The following RANBP10 variants were observed in gnomAD, a reference collection of about 807,000 sequenced individuals.
RANBP10 encodes the protein RAN binding protein 10, also known as ran-binding protein 10.
Under a neutral mutation model 72.8 loss-of-function variants are expected in RANBP10, and 24 were observed. The observed-to-expected ratio is 0.33, with a 90% CI of 0.24 to 0.46. The LOEUF is 0.46. Among genes scored for constraint, RANBP10 ranks in the 20% least tolerant of loss-of-function variants. The pLI, the probability that RANBP10 is intolerant of heterozygous loss-of-function variation, is 1.00. For missense variants in RANBP10, 679 were observed against 817.5 expected, an observed-to-expected ratio of 0.83 and a Z score of 2.07; for synonymous variants, 310 against 322.3, an observed-to-expected ratio of 0.96 and a Z score of 0.41.
At chr16:67,754,277 G>A (rs1434861226) in intron 3 of RANBP10, among the ~76,000 whole-genome samples, 3 of 152,200 alleles carry the variant, frequency 2.0e-5, no homozygotes, top group East Asian at 3.8e-4. Flanking sequence ...CAGGGACTTC[G>A]TGGCTCCTTC....
intron 2 of RANBP10, among the ~76,000 whole-genome samples, chr16:67,800,123 AAACAACAAC>A (rs893518767): frequency 1.3e-5 from 2 of 151,886 alleles, no homozygotes; most frequent in African/African-American, 4.8e-5. Context: ...TCTGTTTCAA[AAACAACAAC>A]AACAACAACA....
In RANBP10 at chr16:67,727,888, G is replaced by A. The variant is rs372148951; in HGVS notation, c.1483C>T (p.His495Tyr). ...QTDESSMDDR[H>Y]PRRQLCGGNQ... ...CCCCCGCAGAGCTGCCGCCGAGGAT[G>A]CCTGTCATCTGCATCCAGAACCCAG... The change falls in exon 12 of 14, where the codon CAT becomes TAT. Residue 495 changes from histidine to tyrosine, a missense_variant. Transcript: ENST00000317506. The A allele has an allele frequency of 6.8e-6, 11 of 1,614,024 alleles. No homozygotes were observed. The highest frequency in any genetic ancestry group is 9.3e-6 in the Non-Finnish European group (11 of 1,180,024).
Position 67,737,192 on chromosome 16 carries a change from CTTTTTTTTTTTTTTTT to C in RANBP10, c.591+805_591+820del, listed in dbSNP as rs71145979. Among the ~76,000 whole-genome samples the C allele has an allele frequency of 6.1e-3, 460 of 75,974 alleles. 2 individuals are homozygous for C. Among genetic ancestry groups the C allele is most frequent in the Admixed American group, 9.8e-3 (73 of 7,422 alleles). 49.8% of individuals were successfully genotyped at this position (75,974 alleles called of 152,430 possible). On this transcript the variant is annotated intron_variant, in intron 5 of 13. Transcript: ENST00000317506. ...AGCAAGCAGAAAACTCCATCCTTTTCTTTTTTTTTTTTTTTTTTTTTTTTTTGAGACGGAGGCTCGC... is the reference window on the plus strand; with the variant it reads ...AGCAAGCAGAAAACTCCATCCTTTTCTTTTTTTTTTGAGACGGAGGCTCGC...
intron 6 of RANBP10, among the ~76,000 whole-genome samples, chr16:67,733,137 G>A (rs2053769139): frequency 6.6e-6 from 1 of 151,814 alleles, no homozygotes; most frequent in South Asian, 2.1e-4. Context: ...GGCCGAGGCA[G>A]GAAAATCACT....
Position 67,742,596 on chromosome 16 carries a change from TGACA to T in RANBP10, c.568+1688_568+1691del, listed in dbSNP as rs1159778965. Among the ~76,000 whole-genome samples the T allele has an allele frequency of 3.3e-5, 5 of 152,278 alleles. No individual in the cohort carries two copies. The East Asian group carries it at 7.7e-4, about 24-fold the overall frequency. On this transcript the variant is annotated intron_variant, in intron 4 of 13. Coordinates refer to ENST00000317506, the MANE Select transcript of RANBP10 (RefSeq NM_020850.3). Reference sequence around the variant, plus strand: ...TCTCTATGGGACCTTGGGACTTGACTGACAAAGAGTTCATGGCCCTTTGGTGGTC... The same window carrying T: ...TCTCTATGGGACCTTGGGACTTGACTAAGAGTTCATGGCCCTTTGGTGGTC...
At chr16:67,761,989 C>T (rs1258092545) in intron 3 of RANBP10, among the ~76,000 whole-genome samples, 2 of 152,080 alleles carry the variant, frequency 1.3e-5, no homozygotes, top group Non-Finnish European at 2.9e-5. Context: ...AGCATAGTGG[C>T]TCACACCTGT....
intron 3 of RANBP10, among the ~76,000 whole-genome samples, chr16:67,756,001 G>A (rs1357485582): frequency 1.3e-5 from 2 of 152,228 alleles, no homozygotes; most frequent in East Asian, 1.9e-4. Flanking sequence ...CAGCAGGCAG[G>A]AGGCCCCAGG....
chr16:67,775,697 T>C (rs1287806906), intron 2 of RANBP10, among the ~76,000 whole-genome samples: 1 of 149,152 alleles, frequency 6.7e-6, no homozygotes, highest in African/African-American at 2.5e-5. Flanking sequence ...TCCAGCTGCT[T>C]AGAAGACTGA....
chr16:67,741,356 T>A (rs564820041), intron 4 of RANBP10, among the ~76,000 whole-genome samples: 70 of 152,298 alleles, frequency 4.6e-4, no homozygotes, highest in African/African-American at 1.6e-3. Flanking sequence ...CTCCACCCAC[T>A]ACTGCACTGG....
At chr16:67,740,498 C>T (rs569042375) in intron 4 of RANBP10, among the ~76,000 whole-genome samples, 4 of 152,048 alleles carry the variant, frequency 2.6e-5, no homozygotes, top group African/African-American at 9.7e-5. Context: ...TGCTATCCAA[C>T]CCCTGCCCAG....
At chr16:67,803,129 A>C (rs2055266723) in intron 2 of RANBP10, among the ~76,000 whole-genome samples, 1 of 152,224 alleles carries the variant, frequency 6.6e-6, no homozygotes, top group South Asian at 2.1e-4. Flanking sequence ...GTTCAAGCAC[A>C]CTAAATATAT....
chr16:67,734,905 G>A lies in RANBP10; in HGVS notation c.729C>T (p.Cys243=). Residue 243 remains cysteine, a synonymous_variant, in exon 6 of 14, where the codon TGC becomes TGT. Transcript: ENST00000317506. ...CGCCAAGCCGGGCACTGATGGGGAA[G>A]CAGTGGACCGTGCCCTGGACCTTGG... is the stretch of plus-strand genomic sequence containing the variant. ...WRAKVQGTVH[C]FPISARLGEW... The A allele has an allele frequency of 6.2e-7, 1 of 1,612,322 alleles. No individual in the cohort carries two copies. The highest frequency in any genetic ancestry group is 8.5e-7 in the Non-Finnish European group (1 of 1,178,800).
intron 2 of RANBP10, among the ~76,000 whole-genome samples, chr16:67,785,957 C>T (rs930148152): frequency 2.7e-5 from 4 of 150,186 alleles, no homozygotes; most frequent in East Asian, 1.9e-4. Context: ...ACTTGGGAGG[C>T]GGAGCTTGCA....
chr16:67,771,621 C>T (rs567302557), intron 3 of RANBP10, among the ~76,000 whole-genome samples: 1 of 152,246 alleles, frequency 6.6e-6, no homozygotes, highest in South Asian at 2.1e-4. Flanking sequence ...GGATTACAGG[C>T]GTGAGCCGCT....
chr16:67,746,105 G>A (rs945997666), intron 3 of RANBP10, among the ~76,000 whole-genome samples: 6 of 151,688 alleles, frequency 4.0e-5, no homozygotes, highest in South Asian at 2.1e-4. Flanking sequence ...GCAGTGAGCC[G>A]AGATCGCGCC....
At position 67,729,409 on chromosome 16, in the gene RANBP10, G is replaced by C; in HGVS notation, c.1223C>G (p.Pro408Arg). The C allele has an allele frequency of 6.2e-7, 1 of 1,613,804 alleles. No homozygotes were observed. The highest frequency in any genetic ancestry group is 2.2e-5 in the East Asian group (1 of 44,886). ...SKQNHSKYPA[P>R]SSSSSSSSSS... ...GGAGGAGGACGAGGATGAGGAGCTGGGTGCAGGGTATTTACTGTGGTTCTG... is the reference window on the plus strand; with the variant it reads ...GGAGGAGGACGAGGATGAGGAGCTGCGTGCAGGGTATTTACTGTGGTTCTG... The change falls in exon 10 of 14, where the codon CCC (proline) becomes CGC (arginine). Residue 408 changes from proline to arginine, a missense_variant. Pro to Arg is a moderately radical substitution (Grantham distance 103). Transcript: ENST00000317506. This position sits in a 1 kb window ranked among gnomAD's most constrained non-coding sequence, Gnocchi z 7.1.
intron 2 of RANBP10, among the ~76,000 whole-genome samples, chr16:67,796,668 GC>G (rs1409893522): frequency 5.3e-5 from 8 of 152,094 alleles, no homozygotes. Flanking sequence ...CTTCACACTT[GC>G]CACCCCTGAC....
chr16:67,760,248 C>A (rs980249053), intron 3 of RANBP10, among the ~76,000 whole-genome samples: 5 of 152,174 alleles, frequency 3.3e-5, no homozygotes, highest in African/African-American at 1.2e-4. Flanking sequence ...CAGGGAGGAA[C>A]GATATCAAAC....
At chr16:67,779,045 G>A (rs745814617) in intron 2 of RANBP10, among the ~76,000 whole-genome samples, 3 of 151,946 alleles carry the variant, frequency 2.0e-5, no homozygotes, top group Non-Finnish European at 4.4e-5. Flanking sequence ...AGTGCCTCCC[G>A]CCATTGCACT....
Sources: allele counts gnomAD v4.1 joint callset (sites outside exome capture counted in the v4.1 genomes callset), GRCh38; gene constraint gnomAD v4.1.1; non-coding constraint Gnocchi (gnomAD v3.1); transcripts MANE v1.5; gene names NCBI Gene and HGNC (gene_info 2026-07-23, HGNC 2026-07-21).